Variants in PAK5 observed in about 807,000 individuals in gnomAD.
PAK5 encodes serine/threonine-protein kinase PAK 5.
A neutral mutation model predicts 65.9 loss-of-function variants in PAK5; 16 were observed. The ratio of observed to expected loss-of-function variants is 0.24; its 90% CI spans 0.16 to 0.37. The LOEUF (loss-of-function observed/expected upper bound fraction) is 0.37. PAK5 is among the 10% of genes least tolerant of loss of function. The pLI, the probability that PAK5 is intolerant of heterozygous loss-of-function variation, is 1.00. For missense variants in PAK5, 785 were observed against 903.9 expected (o/e 0.87, Z 1.69); for synonymous variants, 371 against 354.9 (o/e 1.05, Z -0.51).
At chr20:9,825,515 T>C (rs2049473799) in intron 1 of PAK5, among the ~76,000 whole-genome samples, 1 of 152,164 alleles carries the variant, frequency 6.6e-6, no homozygotes, top group Non-Finnish European at 1.5e-5. Context: ...ATACCATCCT[T>C]TTGCGTTTTG....
At chr20:9,773,435 G>A (rs2048855552) in intron 1 of PAK5, among the ~76,000 whole-genome samples, 1 of 151,520 alleles carries the variant, frequency 6.6e-6, no homozygotes, top group East Asian at 1.9e-4. Context: ...TCCCCTTCCT[G>A]TGTCCAAGTG....
chr20:9,587,051 C>T (rs1471897630), intron 3 of PAK5, among the ~76,000 whole-genome samples: 1 of 151,958 alleles, frequency 6.6e-6, no homozygotes, highest in African/African-American at 2.4e-5. Context: ...TTATTTAATA[C>T]AGTAATATGT....
intron 2 of PAK5, among the ~76,000 whole-genome samples, chr20:9,678,847 C>A (rs1259851769): frequency 6.6e-6 from 1 of 152,138 alleles, no homozygotes; most frequent in Non-Finnish European, 1.5e-5. Flanking sequence ...CCCACTGGGT[C>A]CCTCCCACGA....
At chr20:9,715,909 G>T in intron 1 of PAK5, among the ~76,000 whole-genome samples, 1 of 143,080 alleles carries the variant, frequency 7.0e-6, no homozygotes, top group South Asian at 2.4e-4. Flanking sequence ...GGTTGGGGGA[G>T]GGGGGAGGGA....
At chr20:9,683,762 A>G (rs1329442162) in intron 2 of PAK5, among the ~76,000 whole-genome samples, 1 of 152,106 alleles carries the variant, frequency 6.6e-6, no homozygotes, top group African/African-American at 2.4e-5. Flanking sequence ...TCTGTCACCC[A>G]GGCAGGTGTG....
Position 9,787,335 on chromosome 20 carries a change from C to T in PAK5, c.-162+51427G>A, listed in dbSNP as rs1481938351. ...TATCCTCAGAAGCAGCAAAACAATC[C>T]CACCTCCAGGTCTTTGCACTGGTGG... On this transcript the variant is annotated intron_variant, in intron 1 of 9. Coordinates refer to ENST00000353224, the MANE Select transcript of PAK5 (RefSeq NM_177990.4). Among the ~76,000 whole-genome samples, 12 of 152,068 alleles carry T rather than the reference C, an allele frequency of 7.9e-5. 1 individual carries two copies.
chr20:9,781,335 G>C (rs1274512855), intron 1 of PAK5, among the ~76,000 whole-genome samples: 2 of 152,124 alleles, frequency 1.3e-5, no homozygotes, highest in African/African-American at 2.4e-5. Context: ...TGTGGGTCAG[G>C]TCTCAATGTG....
intron 2 of PAK5, among the ~76,000 whole-genome samples, chr20:9,666,269 A>T (rs1185710013): frequency 2.6e-5 from 4 of 152,154 alleles, no homozygotes; most frequent in Non-Finnish European, 4.4e-5. Context: ...GTATTGAAAC[A>T]AGCATGATAT....
chr20:9,580,176 C>T lies in PAK5; in HGVS notation c.959G>A (p.Arg320His), dbSNP rs778705496. The stretch of plus-strand genomic sequence containing the variant: ...AATGCACATTGTGGGCTCGGACAAG[C>T]GAGGGTAGGTGTAGGAGTTGTAGGA... ...GHSYNSYTYP[R>H]LSEPTMCIPK... is the part of the protein sequence containing the mutation. Residue 320 changes from arginine (R) to histidine (H), a missense_variant, in exon 4 of 10, where the codon CGC becomes CAC. Around this residue, in one of 4 missense-constraint regions of PAK5, gnomAD observed 422 missense variants for 413.3 expected, o/e 1.02. Transcript: ENST00000353224. 7 of 1,613,258 alleles carry T rather than the reference C, an allele frequency of 4.3e-6. No homozygotes were observed. The highest frequency in any genetic ancestry group is 3.3e-5 in the South Asian group (3 of 91,002).
chr20:9,629,477 CT>C (rs909864640), intron 3 of PAK5, among the ~76,000 whole-genome samples: 31 of 127,284 alleles, frequency 2.4e-4, no homozygotes, highest in African/African-American at 6.2e-4. Context: ...CTTCCTCCTC[CT>C]TTTTTTTTTT....
At chr20:9,815,194 C>T (rs980288649) in intron 1 of PAK5, among the ~76,000 whole-genome samples, 1 of 152,112 alleles carries the variant, frequency 6.6e-6, no homozygotes, top group Non-Finnish European at 1.5e-5. Context: ...CAAACACTTC[C>T]TACCAGGCCC....
chr20:9,710,156 C>T (rs1017003802), intron 2 of PAK5, among the ~76,000 whole-genome samples: 6 of 152,112 alleles, frequency 3.9e-5, no homozygotes, highest in African/African-American at 1.4e-4. Flanking sequence ...GGACACCCTT[C>T]CCACAGGCTG....
chr20:9,809,975 C>T (rs1034336655), intron 1 of PAK5, among the ~76,000 whole-genome samples: 4 of 152,260 alleles, frequency 2.6e-5, no homozygotes, highest in Middle Eastern at 6.8e-3. Flanking sequence ...TTCCTAACGC[C>T]GAAGCTCTCC....
At chr20:9,757,642 T>C (rs1225922948) in intron 1 of PAK5, among the ~76,000 whole-genome samples, 1 of 152,170 alleles carries the variant, frequency 6.6e-6, no homozygotes, top group Non-Finnish European at 1.5e-5. Context: ...GGTCAAGTGC[T>C]TCAACATTTT....
At chr20:9,671,198 C>G (rs1306780705) in intron 2 of PAK5, among the ~76,000 whole-genome samples, 1 of 152,126 alleles carries the variant, frequency 6.6e-6, no homozygotes, top group Non-Finnish European at 1.5e-5. Flanking sequence ...AGTTTGAAGT[C>G]AGGTAGCATG....
intron 1 of PAK5, among the ~76,000 whole-genome samples, chr20:9,736,268 C>A (rs371694221): frequency 9.9e-5 from 15 of 152,042 alleles, no homozygotes; most frequent in Admixed American, 3.9e-4. Flanking sequence ...ATATGACCAA[C>A]CTGTGGAACA....
At chr20:9,831,641 G>C (rs892284238) in intron 1 of PAK5, among the ~76,000 whole-genome samples, 5 of 152,116 alleles carry the variant, frequency 3.3e-5, no homozygotes, top group Non-Finnish European at 5.9e-5. Context: ...CTGAGTAGCT[G>C]AAATCAGAGG....
chr20:9,680,855 C>T (rs906968741), intron 2 of PAK5, among the ~76,000 whole-genome samples: 2 of 152,184 alleles, frequency 1.3e-5, no homozygotes, highest in East Asian at 1.9e-4. Flanking sequence ...ATAGGATCAG[C>T]GTTAGCAAAT....
chr20:9,742,359 G>A (rs1026224913), intron 1 of PAK5, among the ~76,000 whole-genome samples: 14 of 152,156 alleles, frequency 9.2e-5, no homozygotes, highest in East Asian at 1.9e-4. Context: ...AGATCGGCCT[G>A]TAATAAAAAT....
Sources: gnomAD v4.1 joint callset for allele counts (sites outside exome capture counted in the v4.1 genomes callset) on GRCh38, gnomAD v4.1.1 for gene constraint, gnomAD v4.1.1 regional missense constraint, MANE v1.5 for transcripts, NCBI Gene and HGNC (gene_info 2026-07-23, HGNC 2026-07-21) for gene names.